Variants in TNNT3 observed in about 807,000 individuals in gnomAD.
TNNT3 encodes the protein troponin T, fast skeletal muscle.
A neutral mutation model predicts 54.2 loss-of-function variants in TNNT3; 36 were observed. That is an observed-to-expected ratio of 0.66 (90% confidence interval 0.51 to 0.88). The LOEUF is 0.88. TNNT3 is among the 40% of genes least tolerant of loss of function. The pLI is 0.00. For synonymous variants in TNNT3, 120 were observed against 109.7 expected (o/e 1.09, Z -0.59); for missense variants, 291 against 331.6 (o/e 0.88, Z 0.95).
chr11:1,924,623 G>A lies in TNNT3; in HGVS notation c.50-476G>A, dbSNP rs1027048288. On this transcript the variant is annotated intron_variant, in intron 4 of 15. Transcript: ENST00000278317. Reference sequence around the variant, plus strand: ...TCTTGGGGCAGCCACGTGGCAGGCCGGGAGGCCACGGAAGGGTCTTCGTGC... The same window carrying A: ...TCTTGGGGCAGCCACGTGGCAGGCCAGGAGGCCACGGAAGGGTCTTCGTGC... Among the ~76,000 whole-genome samples, 9 of 152,348 alleles carry A rather than the reference G, an allele frequency of 5.9e-5. No individual in the cohort carries two copies. In the South Asian group the frequency reaches 1.0e-3, roughly 18 times the overall value.
rs762901901 is a variant in TNNT3, at chr11:1,938,576, C to T, written c.*84C>T. On this transcript the variant is annotated 3_prime_UTR_variant, in exon 16 of 16. Transcript: ENST00000278317. ...CTCGTGGGACTCCACATCCTCCAGCCCCCACAATCCTGTCAGGGGCTCCCT... is the reference window on the plus strand; with the variant it reads ...CTCGTGGGACTCCACATCCTCCAGCTCCCACAATCCTGTCAGGGGCTCCCT... 4 of 1,410,212 alleles carry T rather than the reference C, an allele frequency of 2.8e-6. No homozygotes were observed. The Admixed American group carries it at 5.5e-5, about 20-fold the overall frequency. The allele number at this position is 1,410,212 out of a possible 1,614,324, so 87.4% of individuals were successfully genotyped here. A position where few individuals can be genotyped will look rare whatever the true frequency, so the allele number is the denominator to read the frequency against.
chr11:1,926,346 C>A, intron 5 of TNNT3: 2 of 1,217,820 alleles, frequency 1.6e-6, no homozygotes, highest in Non-Finnish European at 2.4e-6. Flanking sequence ...TTGCTCGCTC[C>A]CCGCACGCAC....
Position 1,930,831 on chromosome 11 carries a change from T to C in TNNT3, c.125+1003T>C, listed in dbSNP as rs571334736. On this transcript the variant is annotated intron_variant, in intron 8 of 15. Transcript: ENST00000278317. Reference sequence around the variant, plus strand: ...TATTTTCTCATTTTAGAAAAATTGTTTGTGTTTTCATTATGAAAATAAGAC... The same window carrying C: ...TATTTTCTCATTTTAGAAAAATTGTCTGTGTTTTCATTATGAAAATAAGAC... 2.0e-5 allele frequency among the ~76,000 whole-genome samples: 3 copies of C among 152,336 alleles called. No individual in the cohort carries two copies. In the South Asian group the frequency reaches 6.2e-4, roughly 32 times the overall value.
intron 7 of TNNT3, 45 bp from the exon 8 acceptor site, chr11:1,929,765 C>T (rs1162389987): frequency 1.3e-6 from 2 of 1,551,362 alleles, no homozygotes; most frequent in East Asian, 2.4e-5. Flanking sequence ...TCTCCCTCTC[C>T]CCACGCTGGT....
In TNNT3 at chr11:1,936,304, G is replaced by T. The variant is rs779649996; in HGVS notation, c.682-659G>T. The T allele has an allele frequency of 7.5e-6, 12 of 1,601,140 alleles. No homozygotes were observed. In the East Asian group the frequency reaches 2.7e-4, roughly 36 times the overall value. On this transcript the variant is annotated intron_variant, in intron 14 of 15. Coordinates refer to ENST00000278317, the MANE Select transcript of TNNT3 (RefSeq NM_006757.4). Reference sequence around the variant, plus strand: ...CCAGGCCCGTGGGTGTGCGTTGCACGGTGAGGTGAACCTCTCGCATGGCAA... The same window carrying T: ...CCAGGCCCGTGGGTGTGCGTTGCACTGTGAGGTGAACCTCTCGCATGGCAA...
At chr11:1,931,675 G>A (rs1393539025) in intron 8 of TNNT3, among the ~76,000 whole-genome samples, 1 of 148,680 alleles carries the variant, frequency 6.7e-6, no homozygotes, top group East Asian at 2.0e-4. Context: ...CTCTGTATTT[G>A]CTGAAAATTT....
At chr11:1,928,482 G>A (rs996963192) in intron 6 of TNNT3, among the ~76,000 whole-genome samples, 2 of 152,214 alleles carry the variant, frequency 1.3e-5, no homozygotes, top group African/African-American at 2.4e-5. Flanking sequence ...AAGCCCCAGG[G>A]AGGTCAGGGA....
chr11:1,928,319 G>T (rs1365177820), intron 6 of TNNT3, among the ~76,000 whole-genome samples: 1 of 152,122 alleles, frequency 6.6e-6, no homozygotes, highest in Non-Finnish European at 1.5e-5. Flanking sequence ...TCCACCCCAG[G>T]GTCTAGGAGC....
intron 8 of TNNT3, 71 bp downstream of exon 8, chr11:1,929,899 G>C: frequency 6.5e-7 from 1 of 1,530,670 alleles, no homozygotes; most frequent in African/African-American, 1.4e-5. Flanking sequence ...TGAGTGTGGG[G>C]TCCTGGCAGG....
intron 9 of TNNT3, among the ~76,000 whole-genome samples, chr11:1,933,117 C>A: frequency 7.0e-6 from 1 of 142,372 alleles, no homozygotes; most frequent in East Asian, 2.1e-4. Context: ...CTCATCCACC[C>A]TCCCACCCAC....
chr11:1,922,306 A>T (rs543394703), intron 1 of TNNT3, among the ~76,000 whole-genome samples: 1 of 152,222 alleles, frequency 6.6e-6, no homozygotes, highest in East Asian at 1.9e-4. Flanking sequence ...TTGGGCTCAA[A>T]TAGGGAAGAG....
intron 6 of TNNT3, 89 bp from the exon 7 acceptor site, chr11:1,929,031 G>A (rs769263638): frequency 2.0e-6 from 3 of 1,488,592 alleles, no homozygotes; most frequent in South Asian, 1.1e-5. Context: ...TGGGCCCCTT[G>A]CCCGCCACAG....
chr11:1,925,813 G>A (rs1172120113), intron 5 of TNNT3, among the ~76,000 whole-genome samples: 2 of 152,176 alleles, frequency 1.3e-5, no homozygotes, highest in East Asian at 3.9e-4. Context: ...GACCCTTGAG[G>A]TGCACACAGG....
intron 1 of TNNT3, among the ~76,000 whole-genome samples, chr11:1,922,623 G>A (rs956920998): frequency 6.6e-6 from 1 of 152,162 alleles, no homozygotes; most frequent in Non-Finnish European, 1.5e-5. Flanking sequence ...TCTGGAGCCA[G>A]GGCAGGAAGA....
At position 1,932,446 on chromosome 11, in the gene TNNT3, G is replaced by A. The variant is rs757979314; in HGVS notation, c.126-23G>A. On this transcript the variant is annotated intron_variant, in intron 8 of 15. Coordinates refer to ENST00000278317, the MANE Select transcript of TNNT3 (RefSeq NM_006757.4). The stretch of plus-strand genomic sequence containing the variant: ...GGTGGGTCTCCGGGTCTCTGCTCAC[G>A]GGCCTCTCTGTCTCCTCTTCAGACT... 18 of 1,613,036 alleles carry A rather than the reference G, an allele frequency of 1.1e-5. No individual in the cohort carries two copies. The East Asian group carries it at 1.3e-4, about 12-fold the overall frequency.
intron 10 of TNNT3, 32 bp from the exon 11 acceptor site, chr11:1,933,899 A>G: frequency 6.2e-7 from 1 of 1,612,528 alleles, no homozygotes; most frequent in Non-Finnish European, 8.5e-7. Context: ...AGCCGGGGAC[A>G]GGGCTGAGCA....
In TNNT3 at chr11:1,934,454, C is replaced by T. The variant is rs374137056; in HGVS notation, c.480+9C>T. ...GCAGCTACCTGGCCAAGGTGTGTGC[C>T]GCTGCTGGGAGCACGGTGGTAGCCT... On this transcript the variant is annotated intron_variant, in intron 12 of 15. Coordinates refer to ENST00000278317, the MANE Select transcript of TNNT3 (RefSeq NM_006757.4). The T allele has an allele frequency of 2.3e-4, 366 of 1,612,532 alleles. No homozygotes were observed. The highest frequency in any genetic ancestry group is 2.9e-4 in the Non-Finnish European group (337 of 1,179,396).
At chr11:1,925,204 A>T in intron 5 of TNNT3, 88 bp downstream of exon 5, 2 of 1,531,052 alleles carry the variant, frequency 1.3e-6, no homozygotes, top group East Asian at 2.4e-5. Context: ...GCCTCTAAGG[A>T]TTGCTGTGTG....
In TNNT3 at chr11:1,929,793, G is replaced by T; in HGVS notation, c.107-17G>T. On this transcript the variant is annotated splice_polypyrimidine_tract_variant and intron_variant, in intron 7 of 15. Coordinates refer to ENST00000278317, the MANE Select transcript of TNNT3 (RefSeq NM_006757.4). Reference sequence around the variant, plus strand: ...ACGCTGGTGTCCCTCTCCCTACGCTGGTGCTGTGTGGACCAGAGGAGAAAC... The same window carrying T: ...ACGCTGGTGTCCCTCTCCCTACGCTTGTGCTGTGTGGACCAGAGGAGAAAC... 1 of 1,551,930 alleles carries T rather than the reference G, an allele frequency of 6.4e-7. No homozygotes were observed. Among genetic ancestry groups the T allele is most frequent in the Non-Finnish European group, 8.7e-7 (1 of 1,147,184 alleles).
Sources: gnomAD v4.1 joint callset for allele counts (sites outside exome capture counted in the v4.1 genomes callset) on GRCh38, gnomAD v4.1.1 for gene constraint, MANE v1.5 for transcripts, NCBI Gene and HGNC (gene_info 2026-07-23, HGNC 2026-07-21) for gene names.